The following SDK1 variants were observed in gnomAD, a reference collection of about 807,000 sequenced individuals.
SDK1 encodes sidekick cell adhesion molecule 1, also known as protein sidekick-1.
In SDK1, 157 loss-of-function variants were observed where a neutral mutation model predicts 245.5. That is an observed-to-expected ratio of 0.64 (90% CI 0.56 to 0.73). SDK1 has a LOEUF of 0.73. Ranked by LOEUF, SDK1 falls within the 30% of genes least tolerant of loss-of-function variation. The probability of loss-of-function intolerance (pLI) is 0.00; values close to 1 mark genes in which losing one functional copy is unlikely to be tolerated. For synonymous variants in SDK1, 1,647 were observed against 1,278.5 expected, an observed-to-expected ratio of 1.29 and a Z score of -6.15; for missense variants, 3,583 against 3,002.3, an observed-to-expected ratio of 1.19 and a Z score of -4.52.
chr7:3,749,707 T>G (rs1779723866), intron 4 of SDK1, among the ~76,000 whole-genome samples: 1 of 152,196 alleles, frequency 6.6e-6, no homozygotes, highest in Non-Finnish European at 1.5e-5. Context: ...TAGCTCATAG[T>G]TAAACCTTGG....
chr7:3,750,576 G>A (rs1026215261), intron 4 of SDK1, among the ~76,000 whole-genome samples: 1 of 152,230 alleles, frequency 6.6e-6, no homozygotes, highest in South Asian at 2.1e-4. Flanking sequence ...GCATAGGCCA[G>A]TGGGAATTCA....
intron 22 of SDK1, among the ~76,000 whole-genome samples, chr7:4,083,100 C>T (rs1781167422): frequency 6.6e-6 from 1 of 152,128 alleles, no homozygotes; most frequent in African/African-American, 2.4e-5. Context: ...TATTGAGTTG[C>T]AATTGACATA....
At chr7:3,410,578 CT>C (rs776277920) in intron 1 of SDK1, among the ~76,000 whole-genome samples, 10,771 of 82,068 alleles carry the variant, frequency 0.13, 234 homozygotes, top group African/African-American at 0.2. Flanking sequence ...GAAATGATAT[CT>C]TTTTTTTTTT....
chr7:3,319,891 T>TTTTTTTTTTTTTTTTTTTTTTTTTTTTTC (rs1423695362), intron 1 of SDK1, among the ~76,000 whole-genome samples: 1 of 147,558 alleles, frequency 6.8e-6, no homozygotes, highest in Non-Finnish European at 1.5e-5. Context: ...TTTTTTTTTT[T>TTTTTTTTTTTTTTTTTTTTTTTTTTTTTC]TTTTGCATTT....
intron 5 of SDK1, among the ~76,000 whole-genome samples, chr7:3,868,440 A>C (rs1780874482): frequency 6.6e-6 from 1 of 152,212 alleles, no homozygotes; most frequent in African/African-American, 2.4e-5. Flanking sequence ...AAGCCACCTT[A>C]TCAAAGTCAG....
intron 1 of SDK1, among the ~76,000 whole-genome samples, chr7:3,603,081 G>T (rs1003367359): frequency 9.2e-5 from 14 of 151,720 alleles, no homozygotes; most frequent in African/African-American, 3.2e-4. Flanking sequence ...TTTGGTTACT[G>T]TAGCCTTGTA....
At position 3,827,387 on chromosome 7, in the gene SDK1, C is replaced by T. The variant is rs554792313; in HGVS notation, c.847+5804C>T. Among the ~76,000 whole-genome samples the T allele has an allele frequency of 5.3e-5, 8 of 149,898 alleles. No homozygotes were observed. In the South Asian group the frequency reaches 8.3e-4, roughly 16 times the overall value. On this transcript the variant is annotated intron_variant, in intron 5 of 44. Coordinates refer to ENST00000404826, the MANE Select transcript of SDK1 (RefSeq NM_152744.4). Reference sequence around the variant, plus strand: ...TTCTTTCCGAACGAGATGGAAGGCTCGTGTCTTACTCATCCTGAATCTTTA... The same window carrying T: ...TTCTTTCCGAACGAGATGGAAGGCTTGTGTCTTACTCATCCTGAATCTTTA...
At chr7:3,813,273 C>T (rs1779429971) in intron 4 of SDK1, among the ~76,000 whole-genome samples, 2 of 131,586 alleles carry the variant, frequency 1.5e-5, no homozygotes, top group Non-Finnish European at 3.2e-5. Flanking sequence ...CCCCCCACCC[C>T]ACCACAGTCC....
intron 40 of SDK1, 85 bp from the exon 41 acceptor site, chr7:4,233,170 C>G (rs1421356762): frequency 7.3e-7 from 1 of 1,366,742 alleles, no homozygotes; most frequent in Non-Finnish European, 1.0e-6. Flanking sequence ...CTGCTGCAAG[C>G]CGACCCACCA....
chr7:3,491,893 T>G (rs1052758406), intron 1 of SDK1, among the ~76,000 whole-genome samples: 3 of 152,226 alleles, frequency 2.0e-5, no homozygotes, highest in Admixed American at 1.3e-4. Context: ...AAAATAGTAA[T>G]TAACATTGGT....
chr7:3,505,754 A>G (rs1337612660), intron 1 of SDK1, among the ~76,000 whole-genome samples: 1 of 152,130 alleles, frequency 6.6e-6, no homozygotes, highest in Non-Finnish European at 1.5e-5. Flanking sequence ...CTGGGATGCA[A>G]AACCTGTAGA....
intron 1 of SDK1, among the ~76,000 whole-genome samples, chr7:3,495,369 TGCCTCA>T (rs1403351154): frequency 6.7e-6 from 1 of 149,724 alleles, no homozygotes; most frequent in Non-Finnish European, 1.5e-5. Flanking sequence ...GTGATTCTCC[TGCCTCA>T]GCCTCCTGAG....
At chr7:3,717,399 A>G (rs1785235290) in intron 4 of SDK1, among the ~76,000 whole-genome samples, 1 of 152,250 alleles carries the variant, frequency 6.6e-6, no homozygotes, top group Admixed American at 6.5e-5. Context: ...ATGAAAAATC[A>G]AAATGCAAAA....
intron 28 of SDK1, among the ~76,000 whole-genome samples, chr7:4,140,958 G>A (rs1584270310): frequency 6.6e-6 from 1 of 152,154 alleles, no homozygotes; most frequent in East Asian, 1.9e-4. Flanking sequence ...TTAAAAAAAT[G>A]ATTAATACCA....
intron 5 of SDK1, among the ~76,000 whole-genome samples, chr7:3,909,158 C>G (rs540586294): frequency 2.6e-4 from 39 of 152,282 alleles, no homozygotes; most frequent in Admixed American, 1.7e-3. Flanking sequence ...GAGAAGGGTC[C>G]AAGGCAGACC....
intron 4 of SDK1, among the ~76,000 whole-genome samples, chr7:3,790,518 C>T (rs1349767761): frequency 6.6e-6 from 1 of 152,114 alleles, no homozygotes; most frequent in Non-Finnish European, 1.5e-5. Flanking sequence ...GTTAAAAAGT[C>T]TAACAGTCGG....
At chr7:3,880,249 T>C (rs1376125127) in intron 5 of SDK1, among the ~76,000 whole-genome samples, 3 of 152,174 alleles carry the variant, frequency 2.0e-5, no homozygotes, top group African/African-American at 7.2e-5. Flanking sequence ...AAACATTAGC[T>C]CTATTAGAAA....
intron 5 of SDK1, among the ~76,000 whole-genome samples, chr7:3,849,769 A>ATT (rs1780373486): frequency 2.6e-5 from 4 of 152,202 alleles, no homozygotes; most frequent in Non-Finnish European, 4.4e-5. Context: ...TAGCAGGATC[A>ATT]TTTGTTTATT....
At position 3,301,581 on chromosome 7, in the gene SDK1, C is replaced by T. The variant is rs1004096540; in HGVS notation, c.-6C>T. ...GGCGCGGCGCTCGGGGTGGCGGCTG[C>T]TCGGCATGGCCCGGGGCGCCCGGCC... is the stretch of plus-strand genomic sequence containing the variant. On this transcript the variant is annotated 5_prime_UTR_variant, in exon 1 of 45. Coordinates refer to ENST00000404826, the MANE Select transcript of SDK1 (RefSeq NM_152744.4). 2.1e-6 allele frequency: 2 copies of T among 962,918 alleles called. No individual in the cohort carries two copies. Among genetic ancestry groups the T allele is most frequent in the Non-Finnish European group, 1.2e-6 (1 of 813,214 alleles). The allele number at this position is 962,918 out of a possible 1,614,324, so 59.6% of individuals were successfully genotyped here. A position where few individuals can be genotyped will look rare whatever the true frequency, so the allele number is the denominator to read the frequency against.
Sources: allele counts gnomAD v4.1 joint callset (sites outside exome capture counted in the v4.1 genomes callset), GRCh38; gene constraint gnomAD v4.1.1; transcripts MANE v1.5; gene names NCBI Gene and HGNC (gene_info 2026-07-23, HGNC 2026-07-21).